The following ELMO1 variants were observed in gnomAD, a reference collection of about 807,000 sequenced individuals.
ELMO1 encodes the protein engulfment and cell motility 1, also known as engulfment and cell motility protein 1.
ELMO1 carries 26 observed loss-of-function variants against 98.9 expected under a neutral mutation model. That is an observed-to-expected ratio of 0.26 (90% CI 0.19 to 0.36). The LOEUF (loss-of-function observed/expected upper bound fraction) is 0.36. Among genes scored for constraint, ELMO1 ranks in the 10% least tolerant of loss-of-function variants. ELMO1 has a pLI of 1.00. For missense variants in ELMO1, 627 were observed against 935.2 expected (o/e 0.67, Z 4.30); for synonymous variants, 346 against 346.0 (o/e 1.00, Z 0.00).
At chr7:37,266,055 C>T (rs907184193) in intron 5 of ELMO1, among the ~76,000 whole-genome samples, 12 of 152,266 alleles carry the variant, frequency 7.9e-5, no homozygotes, top group Admixed American at 2.6e-4. Flanking sequence ...AACTCTGACC[C>T]GGTGCCCTGG....
intron 1 of ELMO1, among the ~76,000 whole-genome samples, chr7:37,398,726 G>A (rs892342007): frequency 2.6e-5 from 4 of 152,138 alleles, no homozygotes; most frequent in Admixed American, 2.6e-4. Flanking sequence ...ATTCCTCTCG[G>A]AAAATGGAGA....
intron 1 of ELMO1, among the ~76,000 whole-genome samples, chr7:37,436,870 A>T (rs1583762186): frequency 6.6e-6 from 1 of 152,198 alleles, no homozygotes; most frequent in East Asian, 1.9e-4. Context: ...GGGTCTGTAC[A>T]CTTGGGACTA....
At chr7:37,268,004 G>C (rs1331180805) in intron 5 of ELMO1, among the ~76,000 whole-genome samples, 3 of 152,086 alleles carry the variant, frequency 2.0e-5, no homozygotes, top group Admixed American at 1.3e-4. Context: ...CTACTTAGAA[G>C]TTTCTCTCTA....
intron 17 of ELMO1, among the ~76,000 whole-genome samples, chr7:36,890,061 G>A (rs1310708415): frequency 6.6e-6 from 1 of 152,140 alleles, no homozygotes; most frequent in Non-Finnish European, 1.5e-5. Flanking sequence ...GCCCTCTGGG[G>A]TAAGCCAGGT....
At chr7:37,111,945 T>C (rs1785274753) in intron 14 of ELMO1, among the ~76,000 whole-genome samples, 1 of 152,182 alleles carries the variant, frequency 6.6e-6, no homozygotes, top group South Asian at 2.1e-4. Flanking sequence ...ATAACTGAGA[T>C]TTGTTGTAAG....
chr7:37,034,048 C>T (rs1795038192), intron 15 of ELMO1, among the ~76,000 whole-genome samples: 1 of 152,144 alleles, frequency 6.6e-6, no homozygotes. Flanking sequence ...CTTCTAATTC[C>T]TCACAACTTC....
At chr7:37,314,803 A>G (rs745797095) in intron 4 of ELMO1, 47 bp downstream of exon 4, 1 of 1,543,996 alleles carries the variant, frequency 6.5e-7, no homozygotes, top group South Asian at 1.1e-5. Flanking sequence ...ATCATGATTT[A>G]CTTTCCTTCA....
At position 37,331,333 on chromosome 7, in the gene ELMO1, C is replaced by CTTTTTTTTTTTTT. The variant is rs776303689; in HGVS notation, c.78+11267_78+11279dup. On this transcript the variant is annotated intron_variant, in intron 2 of 21. Coordinates refer to ENST00000310758, the MANE Select transcript of ELMO1 (RefSeq NM_014800.11). ...TACAGGCGCCAGCCGCCACGCCTGG[C>CTTTTTTTTTTTTT]TTTTTTTTTTTTTTTTTTTTTTGGA... 3.0e-3 allele frequency among the ~76,000 whole-genome samples: 87 copies of CTTTTTTTTTTTTT among 28,728 alleles called. 7 individuals are homozygous for CTTTTTTTTTTTTT. The highest frequency in any genetic ancestry group is 6.3e-3 in the South Asian group (3 of 480). The allele number at this position is 28,728 out of a possible 152,430, so 18.8% of individuals were successfully genotyped here.
At position 37,439,444 on chromosome 7, in the gene ELMO1, A is replaced by C. The variant is rs145184930; in HGVS notation, c.-74+9231T>G. ...CAATCACGGTAAACATACCTTTAGC[A>C]TACTGTTATGACTGTCTCTAAACAG... On this transcript the variant is annotated intron_variant, in intron 1 of 21. Coordinates refer to ENST00000310758, the MANE Select transcript of ELMO1 (RefSeq NM_014800.11). Among the ~76,000 whole-genome samples, 318 of 152,318 alleles carry C rather than the reference A, an allele frequency of 2.1e-3. 2 individuals are homozygous for C. The highest frequency in any genetic ancestry group is 7.2e-3 in the African/African-American group (300 of 41,562).
chr7:37,158,688 AC>A, intron 13 of ELMO1, among the ~76,000 whole-genome samples: 1 of 152,320 alleles, frequency 6.6e-6, no homozygotes, highest in African/African-American at 2.4e-5. Flanking sequence ...AAATAGGAAC[AC>A]TTTTACACTG....
intron 13 of ELMO1, among the ~76,000 whole-genome samples, chr7:37,174,844 T>C (rs541446696): frequency 6.6e-6 from 1 of 152,268 alleles, no homozygotes; most frequent in East Asian, 1.9e-4. Flanking sequence ...TTTAAATCAC[T>C]TGTAAGCACT....
intron 7 of ELMO1, among the ~76,000 whole-genome samples, chr7:37,241,926 T>C (rs1373521701): frequency 1.3e-5 from 2 of 152,202 alleles, no homozygotes; most frequent in Non-Finnish European, 2.9e-5. Context: ...TCTTTTTATA[T>C]TACCCACATA....
chr7:37,147,892 C>T (rs933975046), intron 13 of ELMO1, among the ~76,000 whole-genome samples: 38 of 150,782 alleles, frequency 2.5e-4, no homozygotes, highest in Non-Finnish European at 4.6e-4. Flanking sequence ...GTGTGAGGTG[C>T]AGTGATTAAC....
At chr7:36,937,383 C>T (rs1786636172) in intron 16 of ELMO1, among the ~76,000 whole-genome samples, 1 of 152,160 alleles carries the variant, frequency 6.6e-6, no homozygotes, top group African/African-American at 2.4e-5. Context: ...GGATGGCCAG[C>T]AATTCAACAG....
chr7:37,128,374 T>C (rs961828663), intron 14 of ELMO1, among the ~76,000 whole-genome samples: 1 of 152,192 alleles, frequency 6.6e-6, no homozygotes, highest in Non-Finnish European at 1.5e-5. Flanking sequence ...ACCATTCCTC[T>C]GGTCTGGAAA....
chr7:37,149,997 A>G (rs1023467671), intron 13 of ELMO1, among the ~76,000 whole-genome samples: 1 of 152,146 alleles, frequency 6.6e-6, no homozygotes, highest in African/African-American at 2.4e-5. Flanking sequence ...ACCTTAGCTC[A>G]TGGCTAGAAG....
chr7:37,193,036 A>G (rs1791734041), intron 13 of ELMO1, among the ~76,000 whole-genome samples: 1 of 148,320 alleles, frequency 6.7e-6, no homozygotes, highest in East Asian at 1.9e-4. Flanking sequence ...AAGAGTGGAA[A>G]GAAAAAGTTC....
chr7:37,156,220 C>A (rs1348211560), intron 13 of ELMO1, among the ~76,000 whole-genome samples: 1 of 152,118 alleles, frequency 6.6e-6, no homozygotes, highest in African/African-American at 2.4e-5. Context: ...CAAGAGAAAG[C>A]AGGAAAGATC....
chr7:37,174,186 C>T (rs1307133833), intron 13 of ELMO1, among the ~76,000 whole-genome samples: 1 of 152,182 alleles, frequency 6.6e-6, no homozygotes, highest in Non-Finnish European at 1.5e-5. Flanking sequence ...CCATTCTATG[C>T]TTAATACCCT....
Sources: gnomAD v4.1 joint callset for allele counts (sites outside exome capture counted in the v4.1 genomes callset) on GRCh38, gnomAD v4.1.1 for gene constraint, MANE v1.5 for transcripts, NCBI Gene and HGNC (gene_info 2026-07-23, HGNC 2026-07-21) for gene names.